The following GULP1 variants were observed in gnomAD, a reference collection of about 807,000 sequenced individuals.
GULP1 encodes PTB domain-containing engulfment adapter protein 1.
In GULP1, 19 loss-of-function variants were observed where a neutral mutation model predicts 40.9. The ratio of observed to expected loss-of-function variants is 0.46; its 90% CI spans 0.32 to 0.68. GULP1 has a LOEUF of 0.68. Among genes scored for constraint, GULP1 ranks in the 30% least tolerant of loss-of-function variants. The pLI is 0.03. For synonymous variants in GULP1, 119 were observed against 117.6 expected, an observed-to-expected ratio of 1.01 and a Z score of -0.08; for missense variants, 312 against 362.2, an observed-to-expected ratio of 0.86 and a Z score of 1.12.
intron 7 of GULP1, among the ~76,000 whole-genome samples, chr2:188,558,342 C>T (rs564544821): frequency 5.9e-5 from 9 of 152,208 alleles, no homozygotes; most frequent in African/African-American, 1.7e-4. Context: ...CAGGGGTTTC[C>T]GCTTTTGCAT....
intron 4 of GULP1, among the ~76,000 whole-genome samples, chr2:188,520,238 A>G (rs1252864781): frequency 6.6e-6 from 1 of 152,124 alleles, no homozygotes. Context: ...TTTCAAGCAT[A>G]TTAAAAAAGG....
chr2:188,305,992 G>A (rs2037010164), intron 1 of GULP1, among the ~76,000 whole-genome samples: 1 of 152,060 alleles, frequency 6.6e-6, no homozygotes. Flanking sequence ...TGGCCAGGCT[G>A]GTCTCGAATT....
intron 2 of GULP1, among the ~76,000 whole-genome samples, chr2:188,474,747 A>C (rs1429042088): frequency 6.6e-6 from 1 of 152,084 alleles, no homozygotes; most frequent in Non-Finnish European, 1.5e-5. Flanking sequence ...TAGTTGTTAA[A>C]TTGATGTCTT....
chr2:188,392,670 G>A (rs1169165206), intron 2 of GULP1, among the ~76,000 whole-genome samples: 1 of 151,874 alleles, frequency 6.6e-6, no homozygotes, highest in East Asian at 1.9e-4. Flanking sequence ...CTATTTCCTT[G>A]AGATGTGACA....
chr2:188,472,195 C>G lies in GULP1; in HGVS notation c.-44-5464C>G, dbSNP rs532845180. Among the ~76,000 whole-genome samples the G allele has an allele frequency of 3.2e-4, 49 of 152,114 alleles. No homozygotes were observed. In the South Asian group the frequency reaches 6.4e-3, roughly 20 times the overall value. On this transcript the variant is annotated intron_variant, in intron 2 of 11. Coordinates refer to ENST00000409830, the MANE Select transcript of GULP1 (RefSeq NM_016315.4). Reference sequence around the variant, plus strand: ...ATTTCCTTTCTTTTGTTGATTTTAGCATCTTTTCTTTATCCTTGATCTTTG... The same window carrying G: ...ATTTCCTTTCTTTTGTTGATTTTAGGATCTTTTCTTTATCCTTGATCTTTG...
chr2:188,581,646 GATTT>G (rs1259062743), intron 9 of GULP1, among the ~76,000 whole-genome samples: 1 of 151,990 alleles, frequency 6.6e-6, no homozygotes, highest in Non-Finnish European at 1.5e-5. Context: ...TTATCTCTCT[GATTT>G]ATTTGAGATC....
intron 1 of GULP1, among the ~76,000 whole-genome samples, chr2:188,342,892 C>G (rs2043151633): frequency 6.6e-6 from 1 of 152,102 alleles, no homozygotes; most frequent in Non-Finnish European, 1.5e-5. Flanking sequence ...GAAATTTCTT[C>G]TAAGGGACTC....
At chr2:188,333,645 G>A (rs2041910601) in intron 1 of GULP1, among the ~76,000 whole-genome samples, 1 of 152,088 alleles carries the variant, frequency 6.6e-6, no homozygotes, top group African/African-American at 2.4e-5. Flanking sequence ...TACTCCTTAG[G>A]GTTGAAGAAG....
At chr2:188,354,278 G>A (rs574887885) in intron 1 of GULP1, among the ~76,000 whole-genome samples, 46 of 152,182 alleles carry the variant, frequency 3.0e-4, no homozygotes, top group Non-Finnish European at 5.1e-4. Context: ...GAGCCCTGTT[G>A]GGTCTGGTTC....
At chr2:188,505,712 C>T (rs1403165298) in intron 4 of GULP1, among the ~76,000 whole-genome samples, 1 of 151,714 alleles carries the variant, frequency 6.6e-6, no homozygotes, top group Non-Finnish European at 1.5e-5. Flanking sequence ...AAGATCACAA[C>T]CAAGAAGTTA....
At chr2:188,532,269 G>T (rs986220294) in intron 6 of GULP1, among the ~76,000 whole-genome samples, 1 of 152,020 alleles carries the variant, frequency 6.6e-6, no homozygotes, top group Admixed American at 6.6e-5. Context: ...TGATAATCAC[G>T]TTTAAATATT....
chr2:188,476,271 T>C (rs1185986473), intron 2 of GULP1, among the ~76,000 whole-genome samples: 1 of 152,082 alleles, frequency 6.6e-6, no homozygotes, highest in Non-Finnish European at 1.5e-5. Context: ...CAGGAAGTGG[T>C]GGTGAGACTT....
rs1346390841 is a variant in GULP1 at position 188,483,951 on chromosome 2, A to G, written c.90+459A>G. Among the ~76,000 whole-genome samples the G allele has an allele frequency of 3.3e-5, 5 of 152,226 alleles. No homozygotes were observed. In the East Asian group the frequency reaches 7.7e-4, roughly 24 times the overall value. The stretch of plus-strand genomic sequence containing the variant: ...TTTATTTTATTTTATTGAGATGAAG[A>G]TGTGCTCTGTAGGCCAGGCTGGAGT... On this transcript the variant is annotated intron_variant, in intron 4 of 11. Transcript: ENST00000409830.
At chr2:188,576,533 T>C (rs1313079652) in intron 9 of GULP1, among the ~76,000 whole-genome samples, 1 of 152,204 alleles carries the variant, frequency 6.6e-6, no homozygotes, top group Non-Finnish European at 1.5e-5. Flanking sequence ...TAAAAATTGA[T>C]ATGAATATAT....
chr2:188,534,681 C>T (rs1231489522), intron 6 of GULP1, among the ~76,000 whole-genome samples: 1 of 151,630 alleles, frequency 6.6e-6, no homozygotes, highest in Non-Finnish European at 1.5e-5. Context: ...CAAAACAAAA[C>T]AAAACAAACA....
chr2:188,515,737 A>G (rs2065108425), intron 4 of GULP1, among the ~76,000 whole-genome samples: 1 of 151,480 alleles, frequency 6.6e-6, no homozygotes, highest in African/African-American at 2.4e-5. Flanking sequence ...ACACACACTC[A>G]TGAGGATAAA....
chr2:188,571,468 G>A (rs565040987), intron 9 of GULP1, among the ~76,000 whole-genome samples: 2 of 152,310 alleles, frequency 1.3e-5, no homozygotes, highest in African/African-American at 4.8e-5. Context: ...TTGGCAGATG[G>A]TTTGTGCCAG....
At chr2:188,516,823 T>C (rs1049793530) in intron 4 of GULP1, among the ~76,000 whole-genome samples, 8 of 152,312 alleles carry the variant, frequency 5.3e-5, no homozygotes, top group African/African-American at 1.9e-4. Context: ...AGTTCGTATC[T>C]TATTTTAAAT....
chr2:188,447,043 A>G (rs2152898278), intron 2 of GULP1, among the ~76,000 whole-genome samples: 1 of 152,300 alleles, frequency 6.6e-6, no homozygotes, highest in Middle Eastern at 3.4e-3. Context: ...GACATCAATC[A>G]AATACATTGG....
Sources: gnomAD v4.1 joint callset for allele counts (sites outside exome capture counted in the v4.1 genomes callset) on GRCh38, gnomAD v4.1.1 for gene constraint, MANE v1.5 for transcripts, NCBI Gene and HGNC (gene_info 2026-07-23, HGNC 2026-07-21) for gene names.